SMG1: variants seen among roughly 807,000 people sequenced by gnomAD.
The protein encoded by SMG1 is serine/threonine-protein kinase SMG1.
Under a neutral mutation model 419.9 loss-of-function variants are expected in SMG1, and 22 were observed. The observed-to-expected ratio is 0.05, with a 90% CI of 0.04 to 0.07. The LOEUF is 0.07. Among genes scored for constraint, SMG1 ranks in the 10% least tolerant of loss-of-function variants. The pLI is 1.00. For missense variants in SMG1, 3,185 were observed against 4,342.0 expected, an observed-to-expected ratio of 0.73 and a Z score of 7.49; for synonymous variants, 1,538 against 1,553.5, an observed-to-expected ratio of 0.99 and a Z score of 0.23.
chr16:18,835,511 C>G (rs1399739851), intron 48 of SMG1, among the ~76,000 whole-genome samples: 3 of 152,140 alleles, frequency 2.0e-5, no homozygotes, highest in Non-Finnish European at 4.4e-5. Context: ...CGTGGTGACA[C>G]ACGCCCGTGG....
At chr16:18,917,075 A>G (rs1177458705) in intron 1 of SMG1, among the ~76,000 whole-genome samples, 5 of 152,156 alleles carry the variant, frequency 3.3e-5, no homozygotes, top group Non-Finnish European at 7.3e-5. Context: ...TCAACACCAG[A>G]TAACAAATGA....
chr16:18,855,637 G>C (rs899649049), intron 29 of SMG1, among the ~76,000 whole-genome samples: 5 of 152,152 alleles, frequency 3.3e-5, no homozygotes, highest in Non-Finnish European at 7.3e-5. Flanking sequence ...CCGGCTGCCT[G>C]TGAAAGTACT....
chr16:18,836,183 A>T lies in SMG1; in HGVS notation c.7807T>A (p.Phe2603Ile). 6.2e-7 allele frequency: 1 copy of T among 1,612,248 alleles called. No individual in the cohort carries two copies. The highest frequency in any genetic ancestry group is 8.5e-7 in the Non-Finnish European group (1 of 1,179,064). The change falls in exon 48 of 63, where the codon TTT becomes ATT. Residue 2603 changes from phenylalanine (F) to isoleucine (I), a missense_variant. Transcript: ENST00000446231. Reference sequence around the variant, plus strand: ...TGGGCCTGACCAGCATTCTGCAGAAAGGCTGTTGCTGGCACGTAACTTGGA... The same window carrying T: ...TGGGCCTGACCAGCATTCTGCAGAATGGCTGTTGCTGGCACGTAACTTGGA... The part of the protein sequence containing the change: ...GPPSYVPATA[F>I]LQNAGQAHLI...
chr16:18,884,244 A>G, intron 8 of SMG1, 77 bp from the exon 9 acceptor site: 1 of 683,488 alleles, frequency 1.5e-6, no homozygotes, highest in South Asian at 2.0e-5. Flanking sequence ...AAAAAATAAG[A>G]GGCTTGTTTT....
chr16:18,842,517 T>C, intron 39 of SMG1, 63 bp from the exon 40 acceptor site: 1 of 1,526,266 alleles, frequency 6.6e-7, no homozygotes, highest in East Asian at 2.3e-5. Flanking sequence ...TTCTTCCACA[T>C]TCAATATGGC....
At chr16:18,817,050 T>G (rs1315047909) in intron 57 of SMG1, among the ~76,000 whole-genome samples, 1 of 148,566 alleles carries the variant, frequency 6.7e-6, no homozygotes, top group African/African-American at 2.5e-5. Flanking sequence ...AGTATTTTGG[T>G]TGTAGCTATG....
intron 35 of SMG1, 63 bp downstream of exon 35, chr16:18,849,886 T>C (rs530318374): frequency 3.5e-4 from 530 of 1,493,038 alleles, no homozygotes; most frequent in Non-Finnish European, 4.5e-4. Flanking sequence ...GAAACCACTT[T>C]TTGAAATCTT....
chr16:18,893,970 T>C (rs1215996111), intron 3 of SMG1, among the ~76,000 whole-genome samples: 1 of 151,824 alleles, frequency 6.6e-6, no homozygotes, highest in South Asian at 2.1e-4. Flanking sequence ...GGCAGGAGAA[T>C]CATTTTAATC....
chr16:18,855,238 G>C (rs1453894262), intron 29 of SMG1, among the ~76,000 whole-genome samples: 1 of 152,028 alleles, frequency 6.6e-6, no homozygotes, highest in Non-Finnish European at 1.5e-5. Context: ...TCTTCTGTAA[G>C]TACTCTCTGC....
intron 23 of SMG1, 30 bp downstream of exon 23, chr16:18,866,591 C>A (rs772934930): frequency 6.4e-7 from 1 of 1,565,182 alleles, no homozygotes; most frequent in Non-Finnish European, 8.7e-7. Context: ...TAAAGTAATT[C>A]TATCACCCAT....
At chr16:18,916,641 A>AG (rs1298272694) in intron 1 of SMG1, among the ~76,000 whole-genome samples, 1 of 152,018 alleles carries the variant, frequency 6.6e-6, no homozygotes. Context: ...ACACAGAATA[A>AG]GGGAGCATTT....
At chr16:18,841,032 C>T (rs1187473886) in intron 41 of SMG1, among the ~76,000 whole-genome samples, 1 of 151,964 alleles carries the variant, frequency 6.6e-6, no homozygotes, top group Non-Finnish European at 1.5e-5. Context: ...TGCACTCTAG[C>T]CTGGACAACA....
intron 1 of SMG1, among the ~76,000 whole-genome samples, chr16:18,900,504 A>G (rs755903944): frequency 6.6e-6 from 1 of 152,200 alleles, no homozygotes; most frequent in Non-Finnish European, 1.5e-5. Context: ...AGAGAGTGTC[A>G]TCTCTGGAAA....
At chr16:18,868,953 A>G (rs1197895581) in intron 20 of SMG1, 151 bp downstream of exon 20, 1 of 748,680 alleles carries the variant, frequency 1.3e-6, no homozygotes, top group African/African-American at 1.8e-5. Flanking sequence ...GCAATTATTC[A>G]ATGAAAGCTT....
intron 29 of SMG1, among the ~76,000 whole-genome samples, chr16:18,855,447 A>C (rs2034843962): frequency 6.6e-6 from 1 of 152,178 alleles, no homozygotes. Context: ...ACAACTGCTG[A>C]ATCTTCACCC....
At chr16:18,922,429 T>C (rs4782175) in intron 1 of SMG1, among the ~76,000 whole-genome samples, 5 of 152,244 alleles carry the variant, frequency 3.3e-5, no homozygotes, top group Middle Eastern at 3.4e-3. Flanking sequence ...GAGGAACCCA[T>C]AGATTTCAAA....
At chr16:18,869,009 T>C in intron 20 of SMG1, 95 bp downstream of exon 20, 1 of 1,142,486 alleles carries the variant, frequency 8.8e-7, no homozygotes, top group Non-Finnish European at 1.3e-6. Flanking sequence ...TTCAAAAAAA[T>C]CATATACTCT....
intron 51 of SMG1, 53 bp from the exon 52 acceptor site, chr16:18,830,422 T>C: frequency 6.3e-7 from 1 of 1,582,746 alleles, no homozygotes; most frequent in Non-Finnish European, 8.7e-7. Flanking sequence ...ATGCCTTTGG[T>C]GGGAACATAC....
intron 1 of SMG1, among the ~76,000 whole-genome samples, chr16:18,902,021 A>C (rs938082546): frequency 7.9e-5 from 12 of 151,786 alleles, no homozygotes; most frequent in African/African-American, 2.4e-4. Flanking sequence ...AGCAGAGTCT[A>C]ATAATGTGAC....
Sources: gnomAD v4.1 joint callset for allele counts (sites outside exome capture counted in the v4.1 genomes callset) on GRCh38, gnomAD v4.1.1 for gene constraint, MANE v1.5 for transcripts, NCBI Gene and HGNC (gene_info 2026-07-23, HGNC 2026-07-21) for gene names.